ZDHHC14: variants seen among roughly 807,000 people sequenced by gnomAD.
The protein encoded by ZDHHC14 is palmitoyltransferase ZDHHC14.
ZDHHC14 carries 16 observed loss-of-function variants against 47.7 expected under a neutral mutation model. The observed-to-expected ratio is 0.34, with a 90% CI of 0.23 to 0.51. ZDHHC14 has a LOEUF of 0.51. Ranked by LOEUF, ZDHHC14 falls within the 20% of genes least tolerant of loss-of-function variation. ZDHHC14 has a pLI of 0.97. For synonymous variants in ZDHHC14, 293 were observed against 278.9 expected, an observed-to-expected ratio of 1.05 and a Z score of -0.50; for missense variants, 515 against 662.5, an observed-to-expected ratio of 0.78 and a Z score of 2.44.
chr6:157,671,702 G>A (rs1405992408), intron 8 of ZDHHC14, among the ~76,000 whole-genome samples: 7 of 152,174 alleles, frequency 4.6e-5, no homozygotes, highest in East Asian at 1.9e-4. Flanking sequence ...ACTTAAGAAC[G>A]CGTGGAAGAA....
At chr6:157,444,718 A>G (rs1778626696) in intron 1 of ZDHHC14, among the ~76,000 whole-genome samples, 1 of 151,544 alleles carries the variant, frequency 6.6e-6, no homozygotes, top group African/African-American at 2.4e-5. Flanking sequence ...TACATCCAGG[A>G]AAGTCAGTAA....
chr6:157,465,697 G>A (rs1779195871), intron 1 of ZDHHC14, among the ~76,000 whole-genome samples: 1 of 152,178 alleles, frequency 6.6e-6, no homozygotes, highest in African/African-American at 2.4e-5. Flanking sequence ...TACCCCTGAG[G>A]GCAGGTTGGC....
chr6:157,653,389 G>A (rs932187249), intron 7 of ZDHHC14, 136 bp from the exon 8 acceptor site: 38 of 752,940 alleles, frequency 5.0e-5, no homozygotes, highest in Non-Finnish European at 6.4e-5. Context: ...CGAAAGTGAG[G>A]AGAGGCATAG....
At chr6:157,391,177 T>A (rs899188993) in intron 1 of ZDHHC14, among the ~76,000 whole-genome samples, 2 of 152,214 alleles carry the variant, frequency 1.3e-5, no homozygotes, top group African/African-American at 4.8e-5. Flanking sequence ...GGTTTTTAAA[T>A]GCTTCACAGT....
At chr6:157,428,277 C>T (rs546556502) in intron 1 of ZDHHC14, among the ~76,000 whole-genome samples, 33 of 152,210 alleles carry the variant, frequency 2.2e-4, no homozygotes, top group Admixed American at 1.8e-3. Flanking sequence ...TCCGGTGCCC[C>T]GACCTTGCCA....
chr6:157,518,399 G>T (rs1771392757), intron 1 of ZDHHC14, among the ~76,000 whole-genome samples: 1 of 125,836 alleles, frequency 7.9e-6, no homozygotes. Flanking sequence ...GGGGTGGGGG[G>T]AGGGTGGAAG....
intron 2 of ZDHHC14, among the ~76,000 whole-genome samples, chr6:157,543,782 C>T (rs1260846776): frequency 2.0e-5 from 3 of 152,168 alleles, no homozygotes; most frequent in Non-Finnish European, 4.4e-5. Context: ...TGCTAGACTG[C>T]AGCTGTCTTG....
intron 1 of ZDHHC14, among the ~76,000 whole-genome samples, chr6:157,440,557 A>G (rs1214398954): frequency 6.6e-6 from 1 of 152,256 alleles, no homozygotes; most frequent in South Asian, 2.1e-4. Context: ...CATTTCTAGG[A>G]ATATACCCAA....
intron 1 of ZDHHC14, among the ~76,000 whole-genome samples, chr6:157,453,326 C>T (rs1171024039): frequency 1.3e-5 from 2 of 152,146 alleles, no homozygotes; most frequent in Non-Finnish European, 1.5e-5. Flanking sequence ...ACCCAAAAAA[C>T]GCTGACAATC....
intron 1 of ZDHHC14, among the ~76,000 whole-genome samples, chr6:157,398,893 T>C (rs2114743689): frequency 6.6e-6 from 1 of 152,248 alleles, no homozygotes; most frequent in Admixed American, 6.5e-5. Flanking sequence ...AAACATTAAG[T>C]GGGGATTTAG....
chr6:157,540,707 C>T lies in ZDHHC14; in HGVS notation c.246-1878C>T, dbSNP rs140908613. ...AAACGTGGGCTTGTTTTACTCACTGCCATTGTTCAAACTATGTCGAATTGT... is the reference window on the plus strand; with the variant it reads ...AAACGTGGGCTTGTTTTACTCACTGTCATTGTTCAAACTATGTCGAATTGT... On this transcript the variant is annotated intron_variant, in intron 1 of 8. Transcript: ENST00000359775. Among the ~76,000 whole-genome samples, 21 of 152,138 alleles carry T rather than the reference C, an allele frequency of 1.4e-4. No individual in the cohort carries two copies. In the East Asian group the frequency reaches 3.3e-3, roughly 24 times the overall value.
At chr6:157,533,186 A>C (rs1013922854) in intron 1 of ZDHHC14, among the ~76,000 whole-genome samples, 10 of 152,200 alleles carry the variant, frequency 6.6e-5, no homozygotes, top group African/African-American at 2.2e-4. Context: ...AAGGTCAACT[A>C]TGTGCTAGAC....
intron 1 of ZDHHC14, among the ~76,000 whole-genome samples, chr6:157,421,925 A>G (rs1472012550): frequency 6.6e-6 from 1 of 152,202 alleles, no homozygotes; most frequent in Non-Finnish European, 1.5e-5. Context: ...TGTGTTTCAC[A>G]TAATTATTTC....
chr6:157,478,884 A>G (rs1239384078), intron 1 of ZDHHC14, among the ~76,000 whole-genome samples: 1 of 152,248 alleles, frequency 6.6e-6, no homozygotes, highest in Non-Finnish European at 1.5e-5. Context: ...GAAGTGAAAC[A>G]GTGAAGAGAG....
intron 1 of ZDHHC14, among the ~76,000 whole-genome samples, chr6:157,435,604 A>G (rs946158746): frequency 6.6e-6 from 1 of 151,688 alleles, no homozygotes; most frequent in Admixed American, 6.6e-5. Flanking sequence ...CAGTGGTGCA[A>G]TCATGGCTCA....
intron 1 of ZDHHC14, among the ~76,000 whole-genome samples, chr6:157,439,611 A>G (rs577516683): frequency 6.6e-6 from 1 of 152,322 alleles, no homozygotes; most frequent in African/African-American, 2.4e-5. Context: ...TGATTCCTCA[A>G]AGACCTAGAG....
At chr6:157,433,028 G>A (rs1778368324) in intron 1 of ZDHHC14, among the ~76,000 whole-genome samples, 1 of 152,242 alleles carries the variant, frequency 6.6e-6, no homozygotes, top group Admixed American at 6.5e-5. Context: ...CGTCGCCATG[G>A]GGCTACAGCA....
chr6:157,405,128 G>C (rs1777715115), intron 1 of ZDHHC14, among the ~76,000 whole-genome samples: 1 of 152,112 alleles, frequency 6.6e-6, no homozygotes, highest in African/African-American at 2.4e-5. Context: ...AAGTAGCTCA[G>C]GAATATTTTA....
At chr6:157,574,905 C>T (rs111325259) in intron 2 of ZDHHC14, among the ~76,000 whole-genome samples, 19,489 of 152,204 alleles carry the variant, frequency 0.13, 1,415 homozygotes, top group African/African-American at 0.2. Flanking sequence ...CAGAACCCTT[C>T]TTGGCCTCTG....
Sources: gnomAD v4.1 joint callset for allele counts (sites outside exome capture counted in the v4.1 genomes callset) on GRCh38, gnomAD v4.1.1 for gene constraint, MANE v1.5 for transcripts, NCBI Gene and HGNC (gene_info 2026-07-23, HGNC 2026-07-21) for gene names.